SYNE2: variants seen among roughly 807,000 people sequenced by gnomAD.
SYNE2 encodes the protein spectrin repeat containing nuclear envelope protein 2, also known as nesprin-2.
A neutral mutation model predicts 856.3 loss-of-function variants in SYNE2; 431 were observed. That is an observed-to-expected ratio of 0.50 (90% CI 0.47 to 0.55). SYNE2 has a LOEUF of 0.55. Ranked by LOEUF, SYNE2 falls within the 20% of genes least tolerant of loss-of-function variation. The pLI, the probability that SYNE2 is intolerant of heterozygous loss-of-function variation, is 0.00. For synonymous variants in SYNE2, 2,923 were observed against 2,872.3 expected, an observed-to-expected ratio of 1.02 and a Z score of -0.56; for missense variants, 8,129 against 8,023.2, an observed-to-expected ratio of 1.01 and a Z score of -0.50.
intron 1 of SYNE2, among the ~76,000 whole-genome samples, chr14:63,768,112 G>A (rs140349772): frequency 2.6e-4 from 39 of 151,998 alleles, no homozygotes; most frequent in African/African-American, 8.4e-4. Flanking sequence ...GATCGCTTGA[G>A]CCTAGGAGGT....
chr14:64,215,955 C>G, intron 107 of SYNE2: 5 of 1,346,340 alleles, frequency 3.7e-6, no homozygotes, highest in Non-Finnish European at 4.8e-6. Context: ...TCCCCAGACC[C>G]GGCCTTGCCA....
chr14:64,194,413 C>T (rs1463890076), intron 99 of SYNE2, among the ~76,000 whole-genome samples: 1 of 152,122 alleles, frequency 6.6e-6, no homozygotes, highest in African/African-American at 2.4e-5. Context: ...CTACCTCAGC[C>T]TCCCAGGTAG....
intron 38 of SYNE2, chr14:64,024,002 G>A (rs2096958142): frequency 2.3e-6 from 1 of 434,210 alleles, no homozygotes; most frequent in Non-Finnish European, 4.3e-6. Flanking sequence ...ATAGGAAAAT[G>A]TAGCTGTCCT....
chr14:63,803,168 C>T (rs1051977849), intron 1 of SYNE2, among the ~76,000 whole-genome samples: 3 of 152,224 alleles, frequency 2.0e-5, no homozygotes, highest in Admixed American at 1.3e-4. Context: ...GGTTCTCCAC[C>T]TCCCCACCAG....
In SYNE2 at chr14:64,076,130, A is replaced by G. The variant is rs747081243; in HGVS notation, c.11022+30A>G. Reference sequence around the variant, plus strand: ...TAATAATGTCTGTACTACTGTTATTATTTACGGAGCTGAATGACTATCAGG... The same window carrying G: ...TAATAATGTCTGTACTACTGTTATTGTTTACGGAGCTGAATGACTATCAGG... On this transcript the variant is annotated intron_variant, in intron 54 of 115. Coordinates refer to ENST00000555002, the MANE Select transcript of SYNE2 (RefSeq NM_182914.3). 2.5e-6 allele frequency: 4 copies of G among 1,609,280 alleles called. No individual in the cohort carries two copies. In the South Asian group the frequency reaches 3.3e-5, roughly 13 times the overall value.
rs1289413090 is a variant in SYNE2 at position 63,974,852 on chromosome 14, A to ATG, written c.1129-1671_1129-1670dup. Among the ~76,000 whole-genome samples, 355 of 78,172 alleles carry ATG rather than the reference A, an allele frequency of 4.5e-3. 4 individuals carry two copies. Among genetic ancestry groups the ATG allele is most frequent in the Non-Finnish European group, 5.7e-3 (223 of 39,218 alleles). The allele number at this position is 78,172 out of a possible 152,430, so 51.3% of individuals were successfully genotyped here. A position where few individuals can be genotyped will look rare whatever the true frequency, so the allele number is the denominator to read the frequency against. On this transcript the variant is annotated intron_variant, in intron 11 of 115. Coordinates refer to ENST00000555002, the MANE Select transcript of SYNE2 (RefSeq NM_182914.3). The stretch of plus-strand genomic sequence containing the variant: ...TATATAGACGTGTGTGTGTGTGTAC[A>ATG]TGTGTGTGTGTGTGTGTGTGTGTGT...
At chr14:64,194,104 T>G (rs1366360344) in intron 99 of SYNE2, among the ~76,000 whole-genome samples, 1 of 152,214 alleles carries the variant, frequency 6.6e-6, no homozygotes, top group African/African-American at 2.4e-5. Context: ...TACACTCTTA[T>G]GAAACATGCA....
At chr14:63,952,726 A>C (rs2153434157) in intron 7 of SYNE2, among the ~76,000 whole-genome samples, 1 of 152,372 alleles carries the variant, frequency 6.6e-6, no homozygotes, top group African/African-American at 2.4e-5. Flanking sequence ...TTGTTAGACA[A>C]CACAAAAATC....
At chr14:64,058,978 G>A (rs1270738637) in intron 49 of SYNE2, among the ~76,000 whole-genome samples, 2 of 151,912 alleles carry the variant, frequency 1.3e-5, no homozygotes, top group Non-Finnish European at 2.9e-5. Flanking sequence ...TATGTCCATT[G>A]CAGTTTTCAA....
intron 2 of SYNE2, among the ~76,000 whole-genome samples, chr14:63,932,598 G>T (rs1046194466): frequency 6.6e-6 from 1 of 152,150 alleles, no homozygotes; most frequent in Non-Finnish European, 1.5e-5. Context: ...CAGCTACTGG[G>T]GAGGCTGAGA....
intron 2 of SYNE2, among the ~76,000 whole-genome samples, chr14:63,936,075 A>G (rs757206249): frequency 5.3e-5 from 8 of 152,106 alleles, no homozygotes; most frequent in Admixed American, 2.6e-4. Context: ...GGGTTTCACC[A>G]TGTTGGCCAC....
rs11423254 is a variant in SYNE2, at chr14:64,189,964, A to AT, written c.17872-90dup. On this transcript the variant is annotated intron_variant, in intron 98 of 115. Coordinates refer to ENST00000555002, the MANE Select transcript of SYNE2 (RefSeq NM_182914.3). The stretch of plus-strand genomic sequence containing the variant: ...TGGTATGAGCCACTATGCCTGGCCA[A>AT]TTTTTTTTTTTTTTTTTAATTTCAA... 231,348 of 1,165,580 alleles carry AT rather than the reference A, an allele frequency of 0.2. 10,186 individuals carry two copies. Among genetic ancestry groups the AT allele is most frequent in the African/African-American group, 0.55 (33,305 of 60,300 alleles). The allele number at this position is 1,165,580 out of a possible 1,614,324, so 72.2% of individuals were successfully genotyped here. A position where few individuals can be genotyped will look rare whatever the true frequency, so the allele number is the denominator to read the frequency against.
At chr14:63,779,537 A>T (rs1219594599) in intron 1 of SYNE2, among the ~76,000 whole-genome samples, 3 of 151,778 alleles carry the variant, frequency 2.0e-5, no homozygotes, top group Admixed American at 2.0e-4. Flanking sequence ...TTTTTGTAAG[A>T]TCAGGAACAA....
intron 8 of SYNE2, among the ~76,000 whole-genome samples, chr14:63,960,210 TC>T (rs1161012175): frequency 6.6e-6 from 1 of 152,240 alleles, no homozygotes; most frequent in Non-Finnish European, 1.5e-5. Context: ...TAGAAATTCT[TC>T]CTATATTGAG....
intron 1 of SYNE2, among the ~76,000 whole-genome samples, chr14:63,773,428 T>C (rs1174604604): frequency 1.3e-5 from 2 of 152,166 alleles, no homozygotes; most frequent in Admixed American, 6.5e-5. Context: ...CTCAAACTCC[T>C]GGGCTCAAGC....
intron 1 of SYNE2, among the ~76,000 whole-genome samples, chr14:63,787,598 G>T (rs1011971084): frequency 1.3e-5 from 2 of 152,222 alleles, no homozygotes; most frequent in Admixed American, 1.3e-4. Context: ...CCTGCAGTGG[G>T]TAGCTCCCCT....
At chr14:64,125,650 A>G (rs2153671509) in intron 71 of SYNE2, among the ~76,000 whole-genome samples, 1 of 152,348 alleles carries the variant, frequency 6.6e-6, no homozygotes, top group East Asian at 1.9e-4. Context: ...GCATGCTCCT[A>G]AACTACTTAT....
At chr14:63,843,052 G>A (rs1419700636) in intron 1 of SYNE2, among the ~76,000 whole-genome samples, 1 of 151,528 alleles carries the variant, frequency 6.6e-6, no homozygotes, top group Non-Finnish European at 1.5e-5. Flanking sequence ...TTTTGAGATA[G>A]GGTCTCATTC....
At chr14:63,962,963 G>A (rs566900876) in intron 9 of SYNE2, among the ~76,000 whole-genome samples, 1 of 152,272 alleles carries the variant, frequency 6.6e-6, no homozygotes, top group African/African-American at 2.4e-5. Context: ...CTCTTATTCT[G>A]CTTCTAAGAT....
Sources: allele counts gnomAD v4.1 joint callset (sites outside exome capture counted in the v4.1 genomes callset), GRCh38; gene constraint gnomAD v4.1.1; transcripts MANE v1.5; gene names NCBI Gene and HGNC (gene_info 2026-07-23, HGNC 2026-07-21).